FAM32A: variants seen among roughly 807,000 people sequenced by gnomAD.
The protein encoded by FAM32A is family with sequence similarity 32 member A, also known as protein FAM32A.
FAM32A carries 9 observed loss-of-function variants against 15.8 expected under a neutral mutation model. The ratio of observed to expected loss-of-function variants is 0.57; its 90% confidence interval spans 0.34 to 1.00. The LOEUF is 1.00. Ranked by LOEUF, FAM32A falls within the 50% of genes least tolerant of loss-of-function variation. FAM32A has a pLI of 0.02. For synonymous variants in FAM32A, 64 were observed against 54.9 expected, an observed-to-expected ratio of 1.16 and a Z score of -0.73; for missense variants, 113 against 138.3, an observed-to-expected ratio of 0.82 and a Z score of 0.92.
At chr19:16,187,956 G>A (rs2091392214) in intron 2 of FAM32A, among the ~76,000 whole-genome samples, 1 of 151,780 alleles carries the variant, frequency 6.6e-6, no homozygotes, top group Admixed American at 6.6e-5. Context: ...ATGTTGGCCA[G>A]GCTGGTCTCG....
chr19:16,185,535 C>G lies in FAM32A; in HGVS notation c.74+19C>G, dbSNP rs1196593611. 6.4e-7 allele frequency: 1 copy of G among 1,568,142 alleles called. No individual in the cohort carries two copies. Among genetic ancestry groups the G allele is most frequent in the Admixed American group, 1.9e-5 (1 of 52,996 alleles). ...CCAAGCGGTGAGGCCCGAGGGCCCG[C>G]GGGATTCCGTCTTCATCCCCCTTAG... is the stretch of plus-strand genomic sequence containing the variant. On this transcript the variant is annotated intron_variant, in intron 1 of 3. Coordinates refer to ENST00000263384, the MANE Select transcript of FAM32A (RefSeq NM_014077.4).
At chr19:16,190,399 C>T (rs2091401283) in intron 2 of FAM32A, 121 bp from the exon 3 acceptor site, 1 of 666,378 alleles carries the variant, frequency 1.5e-6, no homozygotes, top group Non-Finnish European at 2.7e-6. Context: ...AGGCACAGAG[C>T]CTGAAACCTC....
Position 16,185,534 on chromosome 19 carries a change from G to T in FAM32A, c.74+18G>T. 4 of 1,567,840 alleles carry T rather than the reference G, an allele frequency of 2.6e-6. No individual in the cohort carries two copies. The highest frequency in any genetic ancestry group is 3.5e-6 in the Non-Finnish European group (4 of 1,155,526). ...ACCAAGCGGTGAGGCCCGAGGGCCC[G>T]CGGGATTCCGTCTTCATCCCCCTTA... On this transcript the variant is annotated intron_variant, in intron 1 of 3. Transcript: ENST00000263384.
At position 16,190,671 on chromosome 19, in the gene FAM32A, G is replaced by A. The variant is rs568694877; in HGVS notation, c.270+98G>A. 5.1e-5 allele frequency: 52 copies of A among 1,010,504 alleles called. No individual in the cohort carries two copies. The Admixed American group carries it at 5.3e-4, about 10-fold the overall frequency. 62.6% of individuals were successfully genotyped at this position (1,010,504 alleles called of 1,614,324 possible). ...CAGAGGGAGCTGTTGGCATGTTGACGAGAAGGGAAGTTTACCTAATAGAAG... is the reference window on the plus strand; with the variant it reads ...CAGAGGGAGCTGTTGGCATGTTGACAAGAAGGGAAGTTTACCTAATAGAAG... On this transcript the variant is annotated intron_variant, in intron 3 of 3. Transcript: ENST00000263384.
intron 2 of FAM32A, among the ~76,000 whole-genome samples, chr19:16,189,773 TCAAG>T (rs2091399094): frequency 7.0e-6 from 1 of 143,062 alleles, no homozygotes; most frequent in Non-Finnish European, 1.5e-5. Context: ...ACCTCCTGGG[TCAAG>T]CAGTCCTCTC....
chr19:16,188,872 C>T (rs2091395341), intron 2 of FAM32A, among the ~76,000 whole-genome samples: 1 of 152,128 alleles, frequency 6.6e-6, no homozygotes, highest in Non-Finnish European at 1.5e-5. Flanking sequence ...TCTCATGATG[C>T]TCTGGGTTGA....
At chr19:16,188,493 G>A (rs1469276023) in intron 2 of FAM32A, among the ~76,000 whole-genome samples, 1 of 152,234 alleles carries the variant, frequency 6.6e-6, no homozygotes, top group African/African-American at 2.4e-5. Context: ...GCTCATGCCT[G>A]TAATCCCAAC....
intron 2 of FAM32A, chr19:16,187,169 A>G (rs917939652): frequency 6.6e-6 from 1 of 152,120 alleles, no homozygotes; most frequent in Non-Finnish European, 1.5e-5. Context: ...CCGGCTACCT[A>G]TTACTTAAAG....
intron 2 of FAM32A, among the ~76,000 whole-genome samples, chr19:16,189,005 G>A (rs1243261074): frequency 2.0e-5 from 3 of 150,676 alleles, no homozygotes; most frequent in Admixed American, 6.7e-5. Context: ...CATATAGCTG[G>A]TGCCTCAGTG....
At chr19:16,190,073 C>A (rs938522698) in intron 2 of FAM32A, among the ~76,000 whole-genome samples, 7 of 152,026 alleles carry the variant, frequency 4.6e-5, no homozygotes, top group African/African-American at 1.7e-4. Flanking sequence ...TCAGAATAAC[C>A]CTGGGGATGG....
At position 16,185,708 on chromosome 19, in the gene FAM32A, C is replaced by A. The variant is rs758466202; in HGVS notation, c.159C>A (p.Arg53=). 1.3e-6 allele frequency: 2 copies of A among 1,563,364 alleles called. No individual in the cohort carries two copies. The highest frequency in any genetic ancestry group is 1.7e-6 in the Non-Finnish European group (2 of 1,152,504). The change falls in exon 2 of 4, where the codon CGC becomes CGA. Residue 53 remains arginine (R), a synonymous_variant. Transcript: ENST00000263384. ...TSKKNEEEKR[R]GLDKRTPAQA... is the part of the protein sequence containing the mutation. Reference sequence around the variant, plus strand: ...AAAAGAACGAGGAGGAGAAGCGGCGCGGCCTGGACAAGCGGACCCCGGCCC... The same window carrying A: ...AAAAGAACGAGGAGGAGAAGCGGCGAGGCCTGGACAAGCGGACCCCGGCCC...
At chr19:16,185,876 C>A in intron 2 of FAM32A, 111 bp downstream of exon 2, 1 of 1,217,578 alleles carries the variant, frequency 8.2e-7, no homozygotes, top group Non-Finnish European at 1.1e-6. Context: ...CAGAGGAGAC[C>A]TTAATTACGG....
At chr19:16,189,668 C>CTTTTGTTTTTTTTT (rs2091398302) in intron 2 of FAM32A, among the ~76,000 whole-genome samples, 1 of 58,554 alleles carries the variant, frequency 1.7e-5, no homozygotes, top group Non-Finnish European at 3.1e-5. Flanking sequence ...CACTCCAACT[C>CTTTTGTTTTTTTTT]TTTTTTTTTT....
At chr19:16,187,731 G>A (rs560433209) in intron 2 of FAM32A, among the ~76,000 whole-genome samples, 19 of 151,856 alleles carry the variant, frequency 1.3e-4, no homozygotes, top group Non-Finnish European at 2.2e-4. Flanking sequence ...GATTACAGGC[G>A]TGAGCCACCA....
rs187136147 is a variant in FAM32A at position 16,189,908 on chromosome 19, A to G, written c.217-612A>G. On this transcript the variant is annotated intron_variant, in intron 2 of 3. Coordinates refer to ENST00000263384, the MANE Select transcript of FAM32A (RefSeq NM_014077.4). The stretch of plus-strand genomic sequence containing the variant: ...AGTCTTGAACTCCTGGGCTCAAGCT[A>G]TCCTCCTGCCTTAGCCTCCCAAAGT... Among the ~76,000 whole-genome samples the G allele has an allele frequency of 1.5e-4, 23 of 151,768 alleles. No individual in the cohort carries two copies. In the East Asian group the frequency reaches 2.9e-3, roughly 19 times the overall value.
chr19:16,191,148 A>C lies in FAM32A; in HGVS notation c.*193A>C, dbSNP rs974816076. On this transcript the variant is annotated 3_prime_UTR_variant, in exon 4 of 4. Transcript: ENST00000263384. ...GTAAGATCGTCCTTGTACTCAGTTT[A>C]GGCTTCTTGGCAACATACAGAAGAT... 5.0e-6 allele frequency: 3 copies of C among 597,540 alleles called. No homozygotes were observed. The African/African-American group carries it at 5.6e-5, about 11-fold the overall frequency. 37.0% of individuals were successfully genotyped at this position (597,540 alleles called of 1,614,324 possible).
In FAM32A at chr19:16,188,192, G is replaced by A. The variant is rs115526555; in HGVS notation, c.217-2328G>A. Among the ~76,000 whole-genome samples the A allele has an allele frequency of 4.0e-3, 612 of 152,322 alleles. 7 individuals are homozygous for A. The highest frequency in any genetic ancestry group is 0.013 in the African/African-American group (536 of 41,564). On this transcript the variant is annotated intron_variant, in intron 2 of 3. Transcript: ENST00000263384. ...AATGGGAGCTCAGAGTAGAGCAGTC[G>A]TGATGGAGCCAGTGGAAGGTAACAG... is the stretch of plus-strand genomic sequence containing the variant.
Position 16,185,614 on chromosome 19 carries a change from CT to C in FAM32A, c.75-5del. The stretch of plus-strand genomic sequence containing the variant: ...CCTCCGACCCGCCGCCTCCTCATGT[CT>C]TTTTCCAGGAAGAAGAAAAAGAAGG... On this transcript the variant is annotated splice_polypyrimidine_tract_variant and intron_variant, in intron 1 of 3. Transcript: ENST00000263384. 2 of 1,599,540 alleles carry C rather than the reference CT, an allele frequency of 1.3e-6. No homozygotes were observed. The highest frequency in any genetic ancestry group is 1.7e-6 in the Non-Finnish European group (2 of 1,172,704).
At chr19:16,190,710 G>C in intron 3 of FAM32A, 137 bp downstream of exon 3, 1 of 858,522 alleles carries the variant, frequency 1.2e-6, no homozygotes, top group Non-Finnish European at 1.9e-6. Flanking sequence ...CACTTCCCCA[G>C]GGTTATTCAA....
Sources: gnomAD v4.1 joint callset for allele counts (sites outside exome capture counted in the v4.1 genomes callset) on GRCh38, gnomAD v4.1.1 for gene constraint, MANE v1.5 for transcripts, NCBI Gene and HGNC (gene_info 2026-07-23, HGNC 2026-07-21) for gene names.